SLX4: variants seen among roughly 807,000 people sequenced by gnomAD.
The protein encoded by SLX4 is SLX4 structure-specific endonuclease subunit, also known as structure-specific endonuclease subunit SLX4.
SLX4 carries 112 observed loss-of-function variants against 146.2 expected under a neutral mutation model. The ratio of observed to expected loss-of-function variants is 0.77; its 90% CI spans 0.66 to 0.90. The LOEUF (loss-of-function observed/expected upper bound fraction) is 0.90, where lower values mean the gene tolerates loss of function less well. SLX4 is among the 40% of genes least tolerant of loss of function. The pLI, the probability that SLX4 is intolerant of heterozygous loss-of-function variation, is 0.00. For synonymous variants in SLX4, 1,061 were observed against 997.7 expected, an observed-to-expected ratio of 1.06 and a Z score of -1.20; for missense variants, 2,563 against 2,392.7, an observed-to-expected ratio of 1.07 and a Z score of -1.49.
intron 4 of SLX4, 166 bp from the exon 5 acceptor site, chr16:3,601,357 C>G: frequency 1.4e-6 from 1 of 697,444 alleles, no homozygotes; most frequent in Non-Finnish European, 2.5e-6. Context: ...CCCCTAGACA[C>G]TACACTTAGG....
Position 3,582,080 on chromosome 16 carries a change from C to G in SLX4, c.*262G>C, listed in dbSNP as rs2040442242. 3 of 562,852 alleles carry G rather than the reference C, an allele frequency of 5.3e-6. No homozygotes were observed. In the South Asian group the frequency reaches 6.9e-5, roughly 13 times the overall value. 34.9% of individuals were successfully genotyped at this position (562,852 alleles called of 1,614,324 possible). A position where few individuals can be genotyped will look rare whatever the true frequency, so the allele number is the denominator to read the frequency against. Reference sequence around the variant, plus strand: ...AAAGAAAACCAAAAAGGGAGACACACTGTGAGCACGGACAGAGGAAGGGGC... The same window carrying G: ...AAAGAAAACCAAAAAGGGAGACACAGTGTGAGCACGGACAGAGGAAGGGGC... On this transcript the variant is annotated 3_prime_UTR_variant, in exon 15 of 15. Coordinates refer to ENST00000294008, the MANE Select transcript of SLX4 (RefSeq NM_032444.4).
chr16:3,611,209 C>T (rs976877082), intron 1 of SLX4, among the ~76,000 whole-genome samples: 6 of 152,230 alleles, frequency 3.9e-5, no homozygotes, highest in Non-Finnish European at 7.3e-5. Context: ...CCCAACCCGG[C>T]GACCTACGGA....
Position 3,608,751 on chromosome 16 carries a change from C to T in SLX4, c.214G>A (p.Gly72Arg), listed in dbSNP as rs1448484890. ...VKKHGIKEVS[G>R]ERKTQKAASN... is the part of the protein sequence containing the mutation. ...GCAGCCTTTTGTGTCTTCCTTTCTC[C>T]TGACACTTCCTTGATTCCATGTTTT... Residue 72 changes from glycine (G) to arginine (R), a missense_variant, in exon 2 of 15, where the codon GGA becomes AGA. Coordinates refer to ENST00000294008, the MANE Select transcript of SLX4 (RefSeq NM_032444.4). The T allele has an allele frequency of 6.2e-7, 1 of 1,614,084 alleles. No individual in the cohort carries two copies. The highest frequency in any genetic ancestry group is 1.3e-5 in the African/African-American group (1 of 74,912).
At chr16:3,608,198 C>T (rs1211115359) in intron 2 of SLX4, among the ~76,000 whole-genome samples, 1 of 152,020 alleles carries the variant, frequency 6.6e-6, no homozygotes. Flanking sequence ...AAAAACAAAC[C>T]AAAAGTTAGC....
chr16:3,598,138 T>C, intron 5 of SLX4, 139 bp from the exon 6 acceptor site: 1 of 928,488 alleles, frequency 1.1e-6, no homozygotes, highest in Non-Finnish European at 1.7e-6. Context: ...GTCCCCCACT[T>C]CCACTGCCTT....
At chr16:3,596,091 G>C (rs1340405876) in intron 8 of SLX4, 62 bp downstream of exon 8, 6 of 1,524,118 alleles carry the variant, frequency 3.9e-6, no homozygotes, top group Non-Finnish European at 5.3e-6. Flanking sequence ...GGCAGCCTCA[G>C]CCGCGGGGAG....
chr16:3,598,873 C>T (rs1486792704), intron 5 of SLX4, among the ~76,000 whole-genome samples: 2 of 152,338 alleles, frequency 1.3e-5, no homozygotes, highest in South Asian at 2.1e-4. Context: ...CACTCCCCAG[C>T]AGGCCAGGTT....
chr16:3,600,628 G>C (rs2040715900), intron 5 of SLX4: 1 of 104,562 alleles, frequency 9.6e-6, no homozygotes, highest in Non-Finnish European at 1.7e-5. Flanking sequence ...TTTGGAGACA[G>C]GATCTCACTC....
chr16:3,611,088 C>T (rs971875229), intron 1 of SLX4, among the ~76,000 whole-genome samples: 2 of 152,222 alleles, frequency 1.3e-5, no homozygotes, highest in African/African-American at 4.8e-5. Context: ...CTGCAGGTTT[C>T]CAGAGGGAAG....
chr16:3,589,621 G>T lies in SLX4; in HGVS notation c.4017C>A (p.Gly1339=). The T allele has an allele frequency of 6.2e-7, 1 of 1,613,944 alleles. No homozygotes were observed. Among genetic ancestry groups the T allele is most frequent in the Non-Finnish European group, 8.5e-7 (1 of 1,180,040 alleles). ...SPGTSDGRRQ[G]HRSPSRPHPG... is the part of the protein sequence containing the mutation. ...GGTGGGGACGGGAAGGGCTTCTGTG[G>T]CCTTGCCTTCTGCCGTCAGAAGTTC... The change falls in exon 12 of 15, where the codon GGC becomes GGA. Residue 1339 remains glycine, a synonymous_variant. Coordinates refer to ENST00000294008, the MANE Select transcript of SLX4 (RefSeq NM_032444.4). This position sits in a 1 kb window ranked among gnomAD's most constrained non-coding sequence, Gnocchi z 6.2.
chr16:3,591,168 C>A lies in SLX4; in HGVS notation c.2470G>T (p.Ala824Ser). Reference sequence around the variant, plus strand: ...GTCTCCGCTTCCTCCTCTTCATCTGCCCACATTGACCTCAAGAGTTCCTGG... The same window carrying A: ...GTCTCCGCTTCCTCCTCTTCATCTGACCACATTGACCTCAAGAGTTCCTGG... ...NFQELLRSMW[A>S]DEEEEAETLL... The change falls in exon 12 of 15, where the codon GCA becomes TCA. Residue 824 changes from alanine to serine, a missense_variant. By Grantham distance (99) the Ala-to-Ser change is moderately conservative (BLOSUM62 1). Transcript: ENST00000294008. 1 of 1,614,200 alleles carries A rather than the reference C, an allele frequency of 6.2e-7. No homozygotes were observed. The highest frequency in any genetic ancestry group is 8.5e-7 in the Non-Finnish European group (1 of 1,180,052).
At position 3,584,835 on chromosome 16, in the gene SLX4, A is replaced by G. The variant is rs1298161206; in HGVS notation, c.4673T>C (p.Val1558Ala). 1 of 1,614,140 alleles carries G rather than the reference A, an allele frequency of 6.2e-7. No individual in the cohort carries two copies. Among genetic ancestry groups the G allele is most frequent in the East Asian group, 2.2e-5 (1 of 44,876 alleles). The change falls in exon 13 of 15, where the codon GTG (valine) becomes GCG (alanine). Residue 1558 changes from valine (V) to alanine (A), a missense_variant. Physicochemically the swap from Val to Ala is moderately conservative, Grantham distance 64. Transcript: ENST00000294008. The part of the protein sequence containing the change: ...ANRKKNLPPK[V>A]PITPMPQYSI... ...ATACTGTGGCATCGGCGTTATGGGC[A>G]CTTTGGGGGGCAAGTTCTTCTTCCG...
chr16:3,589,196 C>T lies in SLX4; in HGVS notation c.4442G>A (p.Ser1481Asn). ...GLLDTTPIRG[S>N]CTTQRKLQEK... Reference sequence around the variant, plus strand: ...TTGCAATTTCCTCTGGGTAGTGCAGCTTCCTCGGATGGGGGTGGTGTCCAG... The same window carrying T: ...TTGCAATTTCCTCTGGGTAGTGCAGTTTCCTCGGATGGGGGTGGTGTCCAG... Residue 1481 changes from serine (S) to asparagine (N), a missense_variant, in exon 12 of 15, where the codon AGC (serine) becomes AAC (asparagine). By Grantham distance (46) the Ser-to-Asn change is conservative (BLOSUM62 1). Coordinates refer to ENST00000294008, the MANE Select transcript of SLX4 (RefSeq NM_032444.4). The surrounding 1 kb of genome is among the most constrained non-coding windows in gnomAD (Gnocchi z 6.2). 3 of 1,614,048 alleles carry T rather than the reference C, an allele frequency of 1.9e-6. No homozygotes were observed. The highest frequency in any genetic ancestry group is 2.5e-6 in the Non-Finnish European group (3 of 1,179,946).
In SLX4 at chr16:3,590,980, A is replaced by C. The variant is rs769552773; in HGVS notation, c.2658T>G (p.Val886=). 4 of 1,614,034 alleles carry C rather than the reference A, an allele frequency of 2.5e-6. No homozygotes were observed. In the African/African-American group the frequency reaches 5.3e-5, roughly 22 times the overall value. ...DADWLEGGSP[V]SGQLLAGVQV... ...GGACACCTGCTAGGAGTTGCCCAGA[A>C]ACCGGACTGCCACCCTCCAGCCAGT... Residue 886 remains valine (V), a synonymous_variant, in exon 12 of 15, where the codon GTT becomes GTG. Coordinates refer to ENST00000294008, the MANE Select transcript of SLX4 (RefSeq NM_032444.4). This position sits in a 1 kb window ranked among gnomAD's most constrained non-coding sequence, Gnocchi z 4.8.
chr16:3,595,120 C>T (rs975620885), intron 9 of SLX4, among the ~76,000 whole-genome samples: 3 of 152,180 alleles, frequency 2.0e-5, no homozygotes, highest in Non-Finnish European at 2.9e-5. Flanking sequence ...AGCCAGTTCC[C>T]ACCCCGGTTC....
At chr16:3,607,299 T>A (rs2040797516) in intron 2 of SLX4, among the ~76,000 whole-genome samples, 1 of 152,158 alleles carries the variant, frequency 6.6e-6, no homozygotes, top group African/African-American at 2.4e-5. Context: ...ACACTGCTGA[T>A]GCCTTCCAGT....
chr16:3,582,413 C>T lies in SLX4; in HGVS notation c.5434G>A (p.Ala1812Thr), dbSNP rs867187228. 6 of 1,613,710 alleles carry T rather than the reference C, an allele frequency of 3.7e-6. No individual in the cohort carries two copies. Among genetic ancestry groups the T allele is most frequent in the South Asian group, 1.1e-5 (1 of 91,086 alleles). ...CCCTGGAGCTTCTCCCTGCGGGTGG[C>T]GGCAGTGGTGAAGGTGATACAGTGG... The part of the protein sequence containing the change: ...DTHCITFTTA[A>T]TRREKLQGRR... Residue 1812 changes from alanine (A) to threonine (T), a missense_variant, in exon 15 of 15, where the codon GCC (alanine) becomes ACC (threonine). Physicochemically the swap from Ala to Thr is moderately conservative, Grantham distance 58 (BLOSUM62 0). Transcript: ENST00000294008.
chr16:3,595,641 C>T lies in SLX4; in HGVS notation c.1977G>A (p.Ser659=), dbSNP rs572117922. 2.8e-5 allele frequency: 46 copies of T among 1,614,056 alleles called. 2 individuals are homozygous for T. The East Asian group carries it at 3.1e-4, about 11-fold the overall frequency. Residue 659 remains serine (S), a synonymous_variant, in exon 9 of 15, where the codon TCG becomes TCA. Coordinates refer to ENST00000294008, the MANE Select transcript of SLX4 (RefSeq NM_032444.4). ...GLPLTGFVVP[S]QDKHPDRGGR... is the part of the protein sequence containing the mutation. ...CGCCCCTGTCCGGGTGCTTGTCCTG[C>T]GATGGCACCACAAACCCAGTCAGAG... is the stretch of plus-strand genomic sequence containing the variant.
chr16:3,595,693 CCT>C lies in SLX4; in HGVS notation c.1925-2_1925-1del, dbSNP rs775174458. 1.1e-5 allele frequency: 18 copies of C among 1,613,942 alleles called. No individual in the cohort carries two copies. The highest frequency in any genetic ancestry group is 8.5e-7 in the Non-Finnish European group (1 of 1,180,044). ...AAGGCCGCCGGGCACCACGTCCAAC[CCT>C]GAGTGGAGGATTCACAGGTTAAAGG... On this transcript the variant is annotated splice_acceptor_variant, in intron 8 of 14. Coordinates refer to ENST00000294008, the MANE Select transcript of SLX4 (RefSeq NM_032444.4). LOFTEE classifies it high-confidence loss of function.
Sources: gnomAD v4.1 joint callset for allele counts (sites outside exome capture counted in the v4.1 genomes callset) on GRCh38, gnomAD v4.1.1 for gene constraint, Gnocchi (gnomAD v3.1) non-coding constraint, MANE v1.5 for transcripts, NCBI Gene and HGNC (gene_info 2026-07-23, HGNC 2026-07-21) for gene names.